Variants in SORL1 observed in about 807,000 individuals in gnomAD.
The protein encoded by SORL1 is sortilin-related receptor.
Under a neutral mutation model 273.7 loss-of-function variants are expected in SORL1, and 127 were observed. That is an observed-to-expected ratio of 0.46 (90% CI 0.40 to 0.54). The LOEUF (loss-of-function observed/expected upper bound fraction) is 0.54. Ranked by LOEUF, SORL1 falls within the 20% of genes least tolerant of loss-of-function variation. The probability of loss-of-function intolerance (pLI) is 0.00; values close to 1 mark genes in which losing one functional copy is unlikely to be tolerated. For synonymous variants in SORL1, 1,031 were observed against 1,067.4 expected (o/e 0.97, Z 0.66); for missense variants, 2,494 against 2,846.1 (o/e 0.88, Z 2.81).
At chr11:121,557,690 C>G (rs1417297062) in intron 19 of SORL1, among the ~76,000 whole-genome samples, 1 of 152,220 alleles carries the variant, frequency 6.6e-6, no homozygotes, top group Admixed American at 6.5e-5. Context: ...TAGACATAGA[C>G]AGGCCTGCTT....
At position 121,452,676 on chromosome 11, in the gene SORL1, C is replaced by G. The variant is rs1860823562; in HGVS notation, c.285+60C>G. ...TTTCCTCTCCCTGCACTTCCTCACC[C>G]CCGCATCCATCCGTTGCAGTCGCCT... On this transcript the variant is annotated intron_variant, in intron 1 of 47. Transcript: ENST00000260197. This position sits in a 1 kb window ranked among gnomAD's most constrained non-coding sequence, Gnocchi z 5.3. 3 of 1,352,024 alleles carry G rather than the reference C, an allele frequency of 2.2e-6. No homozygotes were observed. Among genetic ancestry groups the G allele is most frequent in the South Asian group, 3.4e-5 (2 of 59,416 alleles). 83.8% of individuals were successfully genotyped at this position (1,352,024 alleles called of 1,614,324 possible).
chr11:121,514,011 C>G (rs753528707), intron 7 of SORL1, 141 bp from the exon 8 acceptor site: 18 of 906,110 alleles, frequency 2.0e-5, no homozygotes, highest in Non-Finnish European at 2.8e-5. Context: ...GCTTCTTTGC[C>G]AAGGTTAGGG....
rs777834851 is a variant in SORL1, at chr11:121,633,527, TTAAG to T, written c.*3967_*3970del. 7 of 152,246 alleles carry T rather than the reference TTAAG, an allele frequency of 4.6e-5. No homozygotes were observed. Among genetic ancestry groups the T allele is most frequent in the Non-Finnish European group, 2.9e-5 (2 of 68,048 alleles). The allele number at this position is 152,246 out of a possible 1,614,324, so 9.4% of individuals were successfully genotyped here. A position where few individuals can be genotyped will look rare whatever the true frequency, so the allele number is the denominator to read the frequency against. Reference sequence around the variant, plus strand: ...ATACTTGTTTCTCTCCAAAGCGAAATTAAGTATTTATAATTTCAATTGCCTCGAT... The same window carrying T: ...ATACTTGTTTCTCTCCAAAGCGAAATTATTTATAATTTCAATTGCCTCGAT... On this transcript the variant is annotated 3_prime_UTR_variant, in exon 48 of 48. Transcript: ENST00000260197.
At chr11:121,555,040 T>C (rs1001288031) in intron 17 of SORL1, 147 bp from the exon 18 acceptor site, 7 of 824,068 alleles carry the variant, frequency 8.5e-6, no homozygotes, top group Non-Finnish European at 1.8e-6. Flanking sequence ...AAACCTGGCT[T>C]CATGTGTCTG....
chr11:121,470,361 A>T (rs1258834426), intron 2 of SORL1, among the ~76,000 whole-genome samples: 1 of 152,228 alleles, frequency 6.6e-6, no homozygotes, highest in Non-Finnish European at 1.5e-5. Context: ...AAGTAATAGC[A>T]TATGGACTGG....
At chr11:121,527,604 C>T (rs537956447) in intron 11 of SORL1, among the ~76,000 whole-genome samples, 95 of 152,188 alleles carry the variant, frequency 6.2e-4, no homozygotes, top group African/African-American at 2.3e-3. Context: ...ACTGTCCAGG[C>T]ATTGAGTTTT....
At chr11:121,582,651 G>C (rs145030556) in intron 25 of SORL1, among the ~76,000 whole-genome samples, 1 of 152,186 alleles carries the variant, frequency 6.6e-6, no homozygotes, top group Non-Finnish European at 1.5e-5. Context: ...AGAGGAGGCT[G>C]TTCATGTTTA....
At chr11:121,523,038 T>C (rs1862065123) in intron 11 of SORL1, 49 bp downstream of exon 11, 1 of 1,240,586 alleles carries the variant, frequency 8.1e-7, no homozygotes, top group Admixed American at 1.7e-5. Context: ...TTCCCATTTG[T>C]GTGAGAATGT....
At chr11:121,585,766 G>GT (rs1033639630) in intron 26 of SORL1, among the ~76,000 whole-genome samples, 2 of 151,868 alleles carry the variant, frequency 1.3e-5, no homozygotes, top group African/African-American at 4.8e-5. Flanking sequence ...TTTGCACCTT[G>GT]TTTTTTTCAC....
chr11:121,499,212 G>C (rs532330817), intron 6 of SORL1, among the ~76,000 whole-genome samples: 1 of 152,194 alleles, frequency 6.6e-6, no homozygotes, highest in South Asian at 2.1e-4. Flanking sequence ...TTAACTCTCT[G>C]TATGGCTTAT....
At position 121,514,243 on chromosome 11, in the gene SORL1, AG is replaced by A; in HGVS notation, c.1137del (p.Leu380Ter). On this transcript the variant is annotated frameshift_variant, in exon 8 of 48. Coordinates refer to ENST00000260197, the MANE Select transcript of SORL1 (RefSeq NM_003105.6). LOFTEE classifies it high-confidence loss of function. ...ACCAATTTATACATCTCAGAGGCAG[AG>A]GGGCTGAAGTTCTCCCTGTCCTTGG... Reference protein sequence around the residue: ...NRTNLYISEAEGLKFSLSLEN... With the variant: ...NRTNLYISEAXGLKFSLSLEN... 6.2e-7 allele frequency: 1 copy of A among 1,614,250 alleles called. No individual in the cohort carries two copies. Among genetic ancestry groups the A allele is most frequent in the Non-Finnish European group, 8.5e-7 (1 of 1,180,042 alleles).
chr11:121,544,764 C>A (rs1239573232), intron 13 of SORL1, among the ~76,000 whole-genome samples: 2 of 152,194 alleles, frequency 1.3e-5, no homozygotes, highest in Non-Finnish European at 2.9e-5. Context: ...CATTTTCCAG[C>A]CTCTTTCCAT....
chr11:121,522,693 C>A lies in SORL1; in HGVS notation c.1512C>A (p.Ile504=), dbSNP rs372306435. The change falls in exon 10 of 48, where the codon ATC becomes ATA. Residue 504 remains isoleucine (I), a synonymous_variant. Coordinates refer to ENST00000260197, the MANE Select transcript of SORL1 (RefSeq NM_003105.6). ...ILSKESAPGL[I]IATGSVGKNL... The stretch of plus-strand genomic sequence containing the variant: ...CCAAGGAGTCGGCTCCAGGCCTCAT[C>A]ATCGCCACTGGTAAGTGTGCTTGCC... 6.2e-7 allele frequency: 1 copy of A among 1,612,258 alleles called. No individual in the cohort carries two copies. The highest frequency in any genetic ancestry group is 8.5e-7 in the Non-Finnish European group (1 of 1,178,236).
chr11:121,484,825 C>T (rs1271050253), intron 3 of SORL1, among the ~76,000 whole-genome samples: 4 of 152,124 alleles, frequency 2.6e-5, no homozygotes, highest in African/African-American at 9.7e-5. Context: ...GTGATGTCGG[C>T]TCATTGCAAC....
intron 40 of SORL1, chr11:121,614,574 A>G: frequency 3.5e-6 from 1 of 282,708 alleles, no homozygotes; most frequent in South Asian, 4.7e-5. Flanking sequence ...GAAGGGTATG[A>G]TTTCCAAGGT....
At chr11:121,482,563 CT>C (rs903839710) in intron 3 of SORL1, among the ~76,000 whole-genome samples, 2 of 152,226 alleles carry the variant, frequency 1.3e-5, no homozygotes, top group African/African-American at 2.4e-5. Context: ...AATGATGACT[CT>C]TAACAGTGCT....
chr11:121,538,969 G>A (rs1862308155), intron 12 of SORL1, among the ~76,000 whole-genome samples: 1 of 152,166 alleles, frequency 6.6e-6, no homozygotes, highest in Non-Finnish European at 1.5e-5. Flanking sequence ...GAGCCTCTGT[G>A]CCTGGCCCCG....
intron 25 of SORL1, among the ~76,000 whole-genome samples, chr11:121,579,677 G>GT (rs1862986770): frequency 6.6e-6 from 1 of 152,076 alleles, no homozygotes; most frequent in Non-Finnish European, 1.5e-5. Flanking sequence ...AAAATACCTA[G>GT]TATTTTAAAC....
At chr11:121,615,181 A>G in intron 41 of SORL1, 126 bp downstream of exon 41, 1 of 713,244 alleles carries the variant, frequency 1.4e-6, no homozygotes, top group Non-Finnish European at 2.2e-6. Flanking sequence ...TCTTGGATAT[A>G]GGCCTTTCTT....
Sources: gnomAD v4.1 joint callset for allele counts (sites outside exome capture counted in the v4.1 genomes callset) on GRCh38, gnomAD v4.1.1 for gene constraint, Gnocchi (gnomAD v3.1) non-coding constraint, MANE v1.5 for transcripts, NCBI Gene and HGNC (gene_info 2026-07-23, HGNC 2026-07-21) for gene names.